The following AKAIN1 variants were observed in gnomAD, a reference collection of about 807,000 sequenced individuals.
AKAIN1 encodes A-kinase anchor inhibitor 1.
In AKAIN1, 3 loss-of-function variants were observed where a neutral mutation model predicts 3.7. The ratio of observed to expected loss-of-function variants is 0.82; its 90% CI spans 0.37 to 2.12. The LOEUF is 2.12. Among genes scored for constraint, AKAIN1 ranks in the 30% most tolerant of loss-of-function variants. The pLI, the probability that AKAIN1 is intolerant of heterozygous loss-of-function variation, is 0.06. For missense variants in AKAIN1, 82 were observed against 82.7 expected (o/e 0.99, Z 0.03); for synonymous variants, 31 against 30.8 (o/e 1.01, Z -0.02).
At chr18:5,165,147 C>G (rs974666764) in intron 1 of AKAIN1, among the ~76,000 whole-genome samples, 1 of 151,908 alleles carries the variant, frequency 6.6e-6, no homozygotes, top group Non-Finnish European at 1.5e-5. Flanking sequence ...TGGGTTGGTA[C>G]AAGGGCCCAT....
chr18:5,178,416 G>A (rs1217869294), intron 1 of AKAIN1, among the ~76,000 whole-genome samples: 1 of 152,082 alleles, frequency 6.6e-6, no homozygotes, highest in Non-Finnish European at 1.5e-5. Context: ...TATCTAAAGA[G>A]TGGCAATCCT....
In AKAIN1 at chr18:5,150,196, G is replaced by C. The variant is rs774873676; in HGVS notation, c.17-4441C>G. 1.1e-4 allele frequency among the ~76,000 whole-genome samples: 17 copies of C among 152,298 alleles called. No homozygotes were observed. In the South Asian group the frequency reaches 3.5e-3, roughly 32 times the overall value. On this transcript the variant is annotated intron_variant, in intron 1 of 1. Transcript: ENST00000434239. ...ACTCATACTTCCTGGCGTTCCTATG[G>C]CATTCACTTGTAAGGACAAGATATT...
intron 1 of AKAIN1, chr18:5,163,603 C>T (rs1433307263): frequency 6.6e-6 from 1 of 151,950 alleles, no homozygotes; most frequent in Non-Finnish European, 1.5e-5. Context: ...AAATTACAAG[C>T]TCTTATCTAT....
At chr18:5,176,242 C>A (rs2071225661) in intron 1 of AKAIN1, among the ~76,000 whole-genome samples, 1 of 152,062 alleles carries the variant, frequency 6.6e-6, no homozygotes. Context: ...AGTTCAAGAC[C>A]AAGCTGGCCA....
intron 1 of AKAIN1, among the ~76,000 whole-genome samples, chr18:5,163,245 C>A (rs2071149737): frequency 6.6e-6 from 1 of 151,962 alleles, no homozygotes; most frequent in Non-Finnish European, 1.5e-5. Flanking sequence ...CAGCTAATTG[C>A]CAAATCTGCA....
chr18:5,189,079 T>C (rs1028689728), intron 1 of AKAIN1, among the ~76,000 whole-genome samples: 6 of 152,158 alleles, frequency 3.9e-5, no homozygotes, highest in Admixed American at 1.3e-4. Context: ...CTGAGCCCAT[T>C]TGAGCCATGG....
chr18:5,185,351 T>C (rs201565004), intron 1 of AKAIN1, among the ~76,000 whole-genome samples: 2 of 152,102 alleles, frequency 1.3e-5, no homozygotes, highest in East Asian at 3.8e-4. Flanking sequence ...AAACATGACC[T>C]AATTAAACTA....
At chr18:5,147,616 C>T (rs1482736549) in intron 1 of AKAIN1, among the ~76,000 whole-genome samples, 15 of 152,152 alleles carry the variant, frequency 9.9e-5, no homozygotes, top group Admixed American at 9.8e-4. Context: ...GAGGAAACAT[C>T]ACAAAAGATA....
At chr18:5,168,076 G>C (rs879685220) in intron 1 of AKAIN1, among the ~76,000 whole-genome samples, 1 of 151,964 alleles carries the variant, frequency 6.6e-6, no homozygotes. Flanking sequence ...AACTTCCTTT[G>C]CACTCTGGCT....
At chr18:5,196,308 C>T (rs766010130) in intron 1 of AKAIN1, among the ~76,000 whole-genome samples, 46 of 152,372 alleles carry the variant, frequency 3.0e-4, no homozygotes, top group Non-Finnish European at 5.6e-4. Flanking sequence ...CTCCCTTGCT[C>T]CAGTGGGGCG....
intron 1 of AKAIN1, among the ~76,000 whole-genome samples, chr18:5,174,956 C>G (rs2071217869): frequency 6.6e-6 from 1 of 152,076 alleles, no homozygotes; most frequent in African/African-American, 2.4e-5. Context: ...AGCAGCATTC[C>G]TAGCCTCCCT....
At chr18:5,188,534 C>G (rs1482756912) in intron 1 of AKAIN1, among the ~76,000 whole-genome samples, 2 of 152,030 alleles carry the variant, frequency 1.3e-5, no homozygotes, top group Non-Finnish European at 2.9e-5. Flanking sequence ...AGCCCCTTTA[C>G]ACTTCTAAGC....
At chr18:5,173,109 G>A (rs1170469937) in intron 1 of AKAIN1, among the ~76,000 whole-genome samples, 1 of 152,070 alleles carries the variant, frequency 6.6e-6, no homozygotes, top group Non-Finnish European at 1.5e-5. Flanking sequence ...ATTACTAATG[G>A]CCATGAAAAT....
intron 1 of AKAIN1, among the ~76,000 whole-genome samples, chr18:5,159,769 A>G (rs947268147): frequency 1.3e-5 from 2 of 152,186 alleles, no homozygotes; most frequent in South Asian, 2.1e-4. Context: ...CCACCACTCA[A>G]TTTAAGAACT....
intron 1 of AKAIN1, among the ~76,000 whole-genome samples, chr18:5,183,441 A>C: frequency 6.6e-6 from 1 of 152,106 alleles, no homozygotes; most frequent in African/African-American, 2.4e-5. Flanking sequence ...AAAAATTTTC[A>C]AATGATGAAA....
chr18:5,149,169 T>G (rs1009077958), intron 1 of AKAIN1, among the ~76,000 whole-genome samples: 1 of 152,192 alleles, frequency 6.6e-6, no homozygotes, highest in Admixed American at 6.5e-5. Context: ...CACTTCGTTT[T>G]GGATCACACA....
chr18:5,148,659 C>A (rs1341696680), intron 1 of AKAIN1, among the ~76,000 whole-genome samples: 1 of 152,078 alleles, frequency 6.6e-6, no homozygotes, highest in Non-Finnish European at 1.5e-5. Flanking sequence ...AGTTTGAGAC[C>A]AGCCTGGCCA....
At chr18:5,150,821 T>G (rs1029237107) in intron 1 of AKAIN1, among the ~76,000 whole-genome samples, 2 of 152,216 alleles carry the variant, frequency 1.3e-5, no homozygotes, top group African/African-American at 2.4e-5. Flanking sequence ...AGTATTAAAA[T>G]TGTGCTTCTA....
At chr18:5,192,456 C>CTTTCTTTTTTTTTTT (rs55915033) in intron 1 of AKAIN1, among the ~76,000 whole-genome samples, 1 of 134,426 alleles carries the variant, frequency 7.4e-6, no homozygotes, top group Non-Finnish European at 1.6e-5. Context: ...TTTTTCTTTT[C>CTTTCTTTTTTTTTTT]TTTGGTAGAG....
Sources: gnomAD v4.1 joint callset for allele counts (sites outside exome capture counted in the v4.1 genomes callset) on GRCh38, gnomAD v4.1.1 for gene constraint, MANE v1.5 for transcripts, NCBI Gene and HGNC (gene_info 2026-07-23, HGNC 2026-07-21) for gene names.